ZNF91: variants seen among roughly 807,000 people sequenced by gnomAD.
The protein encoded by ZNF91 is zinc finger protein 91.
In ZNF91, 7 loss-of-function variants were observed where a neutral mutation model predicts 12.6. The observed-to-expected ratio is 0.55, with a 90% confidence interval of 0.31 to 1.04. The LOEUF is 1.04. ZNF91 is among the 50% of genes least tolerant of loss of function. The pLI is 0.05. For synonymous variants in ZNF91, 453 were observed against 462.6 expected, an observed-to-expected ratio of 0.98 and a Z score of 0.27; for missense variants, 1,217 against 1,385.4, an observed-to-expected ratio of 0.88 and a Z score of 1.93.
At chr19:23,374,893 TA>T in intron 1 of ZNF91, 129 bp from the exon 2 acceptor site, 1 of 1,435,040 alleles carries the variant, frequency 7.0e-7, no homozygotes. Context: ...AATTATCCAA[TA>T]AAATAATTGT....
Position 23,380,266 on chromosome 19 carries a change from C to CAAAAAA in ZNF91, c.31-5508_31-5503dup, listed in dbSNP as rs199502898. ...TGGGCAATGGGGGGAAAATCCGTCT[C>CAAAAAA]AAAAAAAAAAAAAAAAAAAAAAAAA... is the stretch of plus-strand genomic sequence containing the variant. On this transcript the variant is annotated intron_variant, in intron 1 of 3. Transcript: ENST00000300619. 12 of 52,728 alleles carry CAAAAAA rather than the reference C, an allele frequency of 2.3e-4. 3 individuals are homozygous for CAAAAAA. The highest frequency in any genetic ancestry group is 1.6e-3 in the South Asian group (2 of 1,260). 3.3% of individuals were successfully genotyped at this position (52,728 alleles called of 1,614,324 possible). A position where few individuals can be genotyped will look rare whatever the true frequency, so the allele number is the denominator to read the frequency against.
downstream of ZNF91, among the ~76,000 whole-genome samples, chr19:23,335,049 A>G (rs775610191): frequency 3.9e-5 from 6 of 152,194 alleles, no homozygotes; most frequent in African/African-American, 9.7e-5. Context: ...TGTTATAGTC[A>G]GGAACCTCAG....
chr19:23,379,984 C>T (rs115465422), intron 1 of ZNF91, among the ~76,000 whole-genome samples: 3 of 152,066 alleles, frequency 2.0e-5, no homozygotes, highest in South Asian at 4.2e-4. Flanking sequence ...TGGCCGGGTG[C>T]GGTGGCTCAT....
chr19:23,350,423 A>G (rs1020239924), intron 3 of ZNF91, among the ~76,000 whole-genome samples: 1 of 152,168 alleles, frequency 6.6e-6, no homozygotes, highest in Non-Finnish European at 1.5e-5. Flanking sequence ...TATTGAAACT[A>G]AAGTTAGCTG....
At chr19:23,354,603 C>T (rs368226916), downstream of ZNF91, among the ~76,000 whole-genome samples, 1 of 152,040 alleles carries the variant, frequency 6.6e-6, no homozygotes, top group South Asian at 2.1e-4. Flanking sequence ...TCAACATAGC[C>T]CTGGAAGTCC....
rs385750 is a variant in ZNF91, at chr19:23,359,489, G to C, written c.3490C>G (p.Leu1164Val). Residue 1164 changes from leucine (L) to valine (V), a missense_variant, in exon 4 of 4, where the codon CTA becomes GTA. Physicochemically the swap from Leu to Val is conservative, Grantham distance 32. This residue lies in a region of ZNF91 where 491 missense variants were observed against 489.8 expected (regional missense o/e 1.00). Transcript: ENST00000300619. ...CCGCCCGCCTCGGCCTCCCAAAGTAGTGGGATTACAGGTGTGATAGTATGA... is the reference window on the plus strand; with the variant it reads ...CCGCCCGCCTCGGCCTCCCAAAGTACTGGGATTACAGGTGTGATAGTATGA... ...KIHTITPVIP[L>V]LWEAEAGGSR... The C allele has an allele frequency of 0.28, 443,032 of 1,609,050 alleles. 65,095 individuals are homozygous for C. The highest frequency in any genetic ancestry group is 0.55 in the African/African-American group (40,836 of 74,658).
At chr19:23,384,973 A>G (rs113402766) in intron 1 of ZNF91, 1 of 1,018,212 alleles carries the variant, frequency 9.8e-7, no homozygotes, top group Non-Finnish European at 1.6e-6. Flanking sequence ...CGAGCCCGTC[A>G]TGGAGGAAAA....
upstream of ZNF91, among the ~76,000 whole-genome samples, chr19:23,313,846 T>C (rs920316497): frequency 4.6e-5 from 7 of 152,212 alleles, no homozygotes; most frequent in African/African-American, 1.7e-4. Flanking sequence ...GAAGTTCTCA[T>C]GCACAAATTC....
At chr19:23,375,284 C>A (rs900842191) in intron 1 of ZNF91, among the ~76,000 whole-genome samples, 1 of 151,994 alleles carries the variant, frequency 6.6e-6, no homozygotes, top group East Asian at 1.9e-4. Context: ...CTCAGCCTCC[C>A]GAGTAGCAGG....
At chr19:23,336,782 T>G (rs147109656), downstream of ZNF91, among the ~76,000 whole-genome samples, 57 of 152,316 alleles carry the variant, frequency 3.7e-4, no homozygotes, top group Middle Eastern at 3.4e-3. Context: ...TTCATTTTTG[T>G]TTTTGTTGAG....
chr19:23,348,393 A>C (rs888190062), intron 3 of ZNF91, among the ~76,000 whole-genome samples: 1 of 152,164 alleles, frequency 6.6e-6, no homozygotes, highest in Non-Finnish European at 1.5e-5. Context: ...TACTTTTATA[A>C]TTTCTTACAC....
In ZNF91 at chr19:23,326,772, G is replaced by A. The variant is rs1037216448; in HGVS notation, n.117-17675C>T. ...CTAACAACTTTGGCACATCTGTCAT[G>A]CAGTAGTTTGCTGCAAGGTGGAAAA... On this transcript the variant is annotated intron_variant and non_coding_transcript_variant, in intron 1 of 1. Transcript: ENST00000596528. The A allele has an allele frequency of 2.6e-5, 4 of 152,210 alleles. 1 individual carries two copies. Among genetic ancestry groups the A allele is most frequent in the Admixed American group, 2.0e-4 (3 of 15,290 alleles). 9.4% of individuals were successfully genotyped at this position (152,210 alleles called of 1,614,324 possible). A position where few individuals can be genotyped will look rare whatever the true frequency, so the allele number is the denominator to read the frequency against.
chr19:23,335,375 T>G (rs1967986686), downstream of ZNF91, among the ~76,000 whole-genome samples: 1 of 152,210 alleles, frequency 6.6e-6, no homozygotes, highest in Non-Finnish European at 1.5e-5. Context: ...TGTTTAAGTC[T>G]GCAGAAGTTT....
At chr19:23,372,569 C>A (rs1335281042) in intron 3 of ZNF91, among the ~76,000 whole-genome samples, 2 of 152,126 alleles carry the variant, frequency 1.3e-5, no homozygotes, top group Non-Finnish European at 2.9e-5. Flanking sequence ...TGGCTACAGA[C>A]AAGAAAATAT....
At chr19:23,393,018 G>C (rs191518097) in intron 1 of ZNF91, among the ~76,000 whole-genome samples, 1 of 151,912 alleles carries the variant, frequency 6.6e-6, no homozygotes, top group South Asian at 2.1e-4. Flanking sequence ...AAGTTCTTAC[G>C]CCATCTAACT....
intron 1 of ZNF91, among the ~76,000 whole-genome samples, chr19:23,395,124 G>T (rs1038511947): frequency 2.6e-5 from 4 of 152,170 alleles, no homozygotes; most frequent in African/African-American, 9.7e-5. Flanking sequence ...GGGCAGGGAA[G>T]AGACAGGACG....
At chr19:23,330,833 T>TAACTCTACAAAAAACTCTACAAA (rs1351236405) in intron 1 of ZNF91, among the ~76,000 whole-genome samples, 1 of 152,198 alleles carries the variant, frequency 6.6e-6, no homozygotes, top group Admixed American at 6.5e-5. Flanking sequence ...ACTCTACAAA[T>TAACTCTACAAAAAACTCTACAAA]AACTCAGAGT....
chr19:23,305,550 G>A (rs1967385919), intron 3 of ZNF91, among the ~76,000 whole-genome samples: 1 of 152,132 alleles, frequency 6.6e-6, no homozygotes, highest in Non-Finnish European at 1.5e-5. Flanking sequence ...ACTCAAATCA[G>A]GTCATTACAG....
At chr19:23,317,941 A>T (rs764334310) in intron 1 of ZNF91, among the ~76,000 whole-genome samples, 3 of 152,162 alleles carry the variant, frequency 2.0e-5, no homozygotes, top group Non-Finnish European at 2.9e-5. Context: ...TGCATGTGAG[A>T]TTGTGTGACA....
Sources: allele counts gnomAD v4.1 joint callset (sites outside exome capture counted in the v4.1 genomes callset), GRCh38; gene constraint gnomAD v4.1.1; regional missense constraint gnomAD v4.1.1; transcripts MANE v1.5; gene names NCBI Gene and HGNC (gene_info 2026-07-23, HGNC 2026-07-21).